LYZL4: variants seen among roughly 807,000 people sequenced by gnomAD.
The protein encoded by LYZL4 is lysozyme-like protein 4.
LYZL4 carries 13 observed loss-of-function variants against 17.6 expected under a neutral mutation model. That is an observed-to-expected ratio of 0.74 (90% CI 0.48 to 1.18). LYZL4 has a LOEUF of 1.18. LYZL4 is among the 50% of genes most tolerant of loss of function. LYZL4 has a pLI of 0.00. For missense variants in LYZL4, 174 were observed against 188.2 expected (o/e 0.92, Z 0.44); for synonymous variants, 64 against 67.7 (o/e 0.95, Z 0.27).
chr3:42,395,886 C>T (rs1698543374), downstream of LYZL4, among the ~76,000 whole-genome samples: 1 of 151,974 alleles, frequency 6.6e-6, no homozygotes, highest in African/African-American at 2.4e-5. Flanking sequence ...CATGGTGAAA[C>T]CCCGTCTTTA....
At chr3:42,374,830 A>T in the LYZL4 span, among the ~76,000 whole-genome samples, 1 of 151,994 alleles carries the variant, frequency 6.6e-6, no homozygotes, top group Admixed American at 6.6e-5. Flanking sequence ...GACTTTTTTT[A>T]AAACTTTTTT....
the LYZL4 span, among the ~76,000 whole-genome samples, chr3:42,365,732 G>A: frequency 1.3e-5 from 2 of 152,106 alleles, no homozygotes; most frequent in Non-Finnish European, 2.9e-5. Context: ...TGGAGAATTG[G>A]TACCAATATT....
chr3:42,406,586 TC>T (rs1441461019), intron 3 of LYZL4, among the ~76,000 whole-genome samples: 1 of 149,260 alleles, frequency 6.7e-6, no homozygotes, highest in East Asian at 2.0e-4. Context: ...TCCTCTCAAC[TC>T]CCCAACACCT....
chr3:42,403,943 T>C (rs1698704045), intron 4 of LYZL4, 103 bp downstream of exon 4: 2 of 772,550 alleles, frequency 2.6e-6, no homozygotes, highest in African/African-American at 1.8e-5. Context: ...GCCTTTTAGT[T>C]TTGGCACTGC....
At chr3:42,388,761 C>A in the LYZL4 span, among the ~76,000 whole-genome samples, 1 of 152,206 alleles carries the variant, frequency 6.6e-6, no homozygotes, top group South Asian at 2.1e-4. Flanking sequence ...GACAATCAGT[C>A]CTGCTGAGGC....
At chr3:42,405,209 C>T (rs1698727771) in intron 3 of LYZL4, among the ~76,000 whole-genome samples, 1 of 152,116 alleles carries the variant, frequency 6.6e-6, no homozygotes, top group African/African-American at 2.4e-5. Flanking sequence ...CCACCACGCC[C>T]GTCTAATTTT....
intron 4 of LYZL4, among the ~76,000 whole-genome samples, chr3:42,397,835 C>T (rs948857116): frequency 5.3e-5 from 8 of 152,180 alleles, no homozygotes; most frequent in Non-Finnish European, 2.9e-5. Flanking sequence ...TCTTTAGCCC[C>T]ACCTAAGTCA....
At chr3:42,404,720 A>C (rs1698718935) in intron 3 of LYZL4, among the ~76,000 whole-genome samples, 1 of 152,236 alleles carries the variant, frequency 6.6e-6, no homozygotes, top group Non-Finnish European at 1.5e-5. Flanking sequence ...CTATGTTTAT[A>C]GATATCTATC....
the LYZL4 span, among the ~76,000 whole-genome samples, chr3:42,378,684 G>T: frequency 6.6e-6 from 1 of 152,100 alleles, no homozygotes; most frequent in African/African-American, 2.4e-5. Context: ...CACGTGTTAA[G>T]GTGCACTACC....
the LYZL4 span, among the ~76,000 whole-genome samples, chr3:42,380,912 A>T: frequency 6.6e-6 from 1 of 152,144 alleles, no homozygotes; most frequent in Non-Finnish European, 1.5e-5. Context: ...TGGCCATGTT[A>T]TTGGCTTTGG....
chr3:42,390,349 C>T, the LYZL4 span, among the ~76,000 whole-genome samples: 1 of 152,202 alleles, frequency 6.6e-6, no homozygotes, highest in Admixed American at 6.5e-5. Flanking sequence ...ACCTGGTGAA[C>T]AAACGAAGTG....
At chr3:42,402,679 A>T (rs1698677876) in intron 4 of LYZL4, among the ~76,000 whole-genome samples, 1 of 152,260 alleles carries the variant, frequency 6.6e-6, no homozygotes, top group South Asian at 2.1e-4. Context: ...GTGTACATTG[A>T]TAAAAATCTC....
chr3:42,367,412 G>T, the LYZL4 span, among the ~76,000 whole-genome samples: 1 of 152,236 alleles, frequency 6.6e-6, no homozygotes, highest in Non-Finnish European at 1.5e-5. Flanking sequence ...GAAGCATGGG[G>T]TGGGAAGAAT....
chr3:42,375,860 T>C, the LYZL4 span, among the ~76,000 whole-genome samples: 1 of 152,186 alleles, frequency 6.6e-6, no homozygotes, highest in African/African-American at 2.4e-5. Context: ...TAAGACATTG[T>C]TATAAAGATG....
downstream of LYZL4, among the ~76,000 whole-genome samples, chr3:42,393,101 G>A (rs1698508640): frequency 6.6e-6 from 1 of 152,152 alleles, no homozygotes; most frequent in East Asian, 1.9e-4. Context: ...TGCTTCAAAG[G>A]AGCTAGAGCA....
chr3:42,375,753 A>G, the LYZL4 span, among the ~76,000 whole-genome samples: 1 of 152,200 alleles, frequency 6.6e-6, no homozygotes, highest in Non-Finnish European at 1.5e-5. Context: ...ATTAAAGAAT[A>G]TATTATGCTT....
chr3:42,379,446 G>A, the LYZL4 span, among the ~76,000 whole-genome samples: 2 of 152,200 alleles, frequency 1.3e-5, no homozygotes, highest in African/African-American at 2.4e-5. Context: ...AACAGAATCT[G>A]GGGAGGGGCA....
the LYZL4 span, among the ~76,000 whole-genome samples, chr3:42,386,484 A>G: frequency 6.9e-6 from 1 of 144,310 alleles, no homozygotes; most frequent in South Asian, 2.2e-4. Context: ...TTCTCACCTC[A>G]AGATCTTTAA....
the LYZL4 span, among the ~76,000 whole-genome samples, chr3:42,375,888 T>C: frequency 6.6e-6 from 1 of 152,198 alleles, no homozygotes; most frequent in African/African-American, 2.4e-5. Flanking sequence ...TTCAGTCAAT[T>C]GGGAAATATA....
Sources: gnomAD v4.1 joint callset for allele counts (sites outside exome capture counted in the v4.1 genomes callset) on GRCh38, gnomAD v4.1.1 for gene constraint, MANE v1.5 for transcripts, NCBI Gene and HGNC (gene_info 2026-07-23, HGNC 2026-07-21) for gene names.